MYO3B: variants seen among roughly 807,000 people sequenced by gnomAD.
MYO3B encodes myosin IIIB, also known as myosin-IIIb.
Under a neutral mutation model 174.6 loss-of-function variants are expected in MYO3B, and 156 were observed. The observed-to-expected ratio is 0.89, with a 90% CI of 0.78 to 1.02. The LOEUF (loss-of-function observed/expected upper bound fraction) is 1.02, where lower values mean the gene tolerates loss of function less well. Ranked by LOEUF, MYO3B falls within the 50% of genes least tolerant of loss-of-function variation. The pLI, the probability that MYO3B is intolerant of heterozygous loss-of-function variation, is 0.00. For synonymous variants in MYO3B, 563 were observed against 569.1 expected (o/e 0.99, Z 0.15); for missense variants, 1,632 against 1,639.4 (o/e 1.00, Z 0.08).
chr2:170,270,623 G>A (rs999679170), intron 7 of MYO3B, among the ~76,000 whole-genome samples: 4 of 152,116 alleles, frequency 2.6e-5, no homozygotes, highest in Non-Finnish European at 4.4e-5. Context: ...TCCTGTCCTT[G>A]CTGCCCTGCC....
chr2:170,406,993 T>A (rs1412368358), intron 21 of MYO3B, among the ~76,000 whole-genome samples: 1 of 152,210 alleles, frequency 6.6e-6, no homozygotes, highest in East Asian at 1.9e-4. Context: ...CTACCACTTG[T>A]GAAATGTGTG....
chr2:170,395,904 C>G (rs1343218278), intron 16 of MYO3B, among the ~76,000 whole-genome samples: 1 of 152,198 alleles, frequency 6.6e-6, no homozygotes. Flanking sequence ...TAAGTTTTCT[C>G]TCTACTTTTC....
At chr2:170,461,668 C>T (rs1169972209) in intron 23 of MYO3B, among the ~76,000 whole-genome samples, 6 of 150,370 alleles carry the variant, frequency 4.0e-5, no homozygotes, top group South Asian at 2.1e-4. Context: ...CCCAGCTACT[C>T]GGGAGGCCGA....
intron 22 of MYO3B, among the ~76,000 whole-genome samples, chr2:170,413,198 G>A (rs1170930475): frequency 1.3e-5 from 2 of 152,184 alleles, no homozygotes; most frequent in Non-Finnish European, 2.9e-5. Context: ...GTAAACATGA[G>A]GAAAGACTTC....
At chr2:170,652,185 C>G (rs1699056973) in intron 34 of MYO3B, 31 bp downstream of exon 34, 7 of 1,600,892 alleles carry the variant, frequency 4.4e-6, no homozygotes, top group Admixed American at 1.7e-5. Context: ...TTCTAAGCAA[C>G]TGTAAACAGA....
chr2:170,394,506 A>G (rs72874584), intron 16 of MYO3B, among the ~76,000 whole-genome samples: 7,724 of 152,308 alleles, frequency 0.051, 277 homozygotes, highest in Middle Eastern at 0.1. Context: ...CTGGGAAAAA[A>G]GGTACAATAG....
At chr2:170,187,052 C>G (rs1392616516) in intron 1 of MYO3B, among the ~76,000 whole-genome samples, 1 of 140,450 alleles carries the variant, frequency 7.1e-6, no homozygotes, top group Non-Finnish European at 1.6e-5. Flanking sequence ...TTTTATTTAT[C>G]TTTTCAAAAA....
At chr2:170,513,008 A>G (rs1688078459) in intron 28 of MYO3B, among the ~76,000 whole-genome samples, 1 of 152,216 alleles carries the variant, frequency 6.6e-6, no homozygotes. Context: ...AGAACAATGC[A>G]TGGAACATAA....
chr2:170,371,148 G>A (rs1419710864), intron 9 of MYO3B, among the ~76,000 whole-genome samples: 1 of 149,732 alleles, frequency 6.7e-6, no homozygotes, highest in Non-Finnish European at 1.5e-5. Context: ...AACCTGGGAG[G>A]CGGAAGTTGC....
At chr2:170,633,130 C>T (rs1697160247) in intron 32 of MYO3B, among the ~76,000 whole-genome samples, 1 of 152,166 alleles carries the variant, frequency 6.6e-6, no homozygotes, top group Admixed American at 6.5e-5. Context: ...ATGAGGCCAG[C>T]ATCATCCTGA....
intron 32 of MYO3B, among the ~76,000 whole-genome samples, chr2:170,608,166 C>T (rs1290924564): frequency 6.6e-6 from 1 of 152,116 alleles, no homozygotes; most frequent in African/African-American, 2.4e-5. Flanking sequence ...CAAGATTGGG[C>T]CACTGCACTA....
intron 6 of MYO3B, among the ~76,000 whole-genome samples, chr2:170,220,130 T>C (rs918925275): frequency 4.0e-5 from 6 of 150,744 alleles, no homozygotes; most frequent in Non-Finnish European, 5.9e-5. Context: ...TGGTGGCGGG[T>C]GCCTGTAGTC....
intron 7 of MYO3B, among the ~76,000 whole-genome samples, chr2:170,281,787 T>A (rs544840453): frequency 3.9e-4 from 60 of 152,214 alleles, no homozygotes; most frequent in African/African-American, 1.4e-3. Flanking sequence ...ATCCAGGAGT[T>A]GGTTTTTTAA....
At position 170,244,844 on chromosome 2, in the gene MYO3B, T is replaced by C. The variant is rs565864875; in HGVS notation, c.749+8708T>C. On this transcript the variant is annotated intron_variant, in intron 7 of 34. Coordinates refer to ENST00000408978, the MANE Select transcript of MYO3B (RefSeq NM_138995.5). Reference sequence around the variant, plus strand: ...TTTTAGACATAATATATTTGTATCTTTGGCCTTAAGTAAAATTTGTTGTGA... The same window carrying C: ...TTTTAGACATAATATATTTGTATCTCTGGCCTTAAGTAAAATTTGTTGTGA... Among the ~76,000 whole-genome samples, 8 of 152,318 alleles carry C rather than the reference T, an allele frequency of 5.3e-5. No individual in the cohort carries two copies. In the East Asian group the frequency reaches 1.5e-3, roughly 29 times the overall value.
At chr2:170,526,728 A>C (rs936660673) in intron 30 of MYO3B, among the ~76,000 whole-genome samples, 4 of 152,220 alleles carry the variant, frequency 2.6e-5, no homozygotes, top group Non-Finnish European at 5.9e-5. Flanking sequence ...TTGAAGGCAG[A>C]AACCTTATCA....
chr2:170,588,894 CAA>C (rs1343665652), intron 32 of MYO3B, among the ~76,000 whole-genome samples: 1 of 152,134 alleles, frequency 6.6e-6, no homozygotes, highest in African/African-American at 2.4e-5. Context: ...AGATGACACT[CAA>C]GAGGTTCATC....
At position 170,214,448 on chromosome 2, in the gene MYO3B, GC is replaced by G; in HGVS notation, c.392del (p.Ala131GlufsTer2). On this transcript the variant is annotated frameshift_variant, in exon 4 of 35. Transcript: ENST00000408978. LOFTEE classifies it high-confidence loss of function. Reference protein sequence around the residue: ...LLRCGQRLDEAMISYILYGAL... With the variant: ...LLRCGQRLDEXMISYILYGAL... ...CAGATGTGGCCAGCGGTTGGATGAA[GC>G]AATGATCTCATACATCTTGTACGGG... 1 of 1,614,158 alleles carries G rather than the reference GC, an allele frequency of 6.2e-7. No individual in the cohort carries two copies. Among genetic ancestry groups the G allele is most frequent in the Non-Finnish European group, 8.5e-7 (1 of 1,179,996 alleles).
At position 170,399,256 on chromosome 2, in the gene MYO3B, AAAAAAAAAAAGAGAG is replaced by A. The variant is rs2094459701; in HGVS notation, c.1792-930_1792-916del. ...AAATTCCGTCTCAAAAAAAAAAAAA[AAAAAAAAAAAGAGAG>A]AGACCAGTCTGGCCAACAGGGCAAA... On this transcript the variant is annotated intron_variant, in intron 16 of 34. Transcript: ENST00000408978. 1.5e-4 allele frequency among the ~76,000 whole-genome samples: 18 copies of A among 123,988 alleles called. 5 individuals are homozygous for A. The South Asian group carries it at 3.9e-3, about 27-fold the overall frequency. The allele number at this position is 123,988 out of a possible 152,430, so 81.3% of individuals were successfully genotyped here.
chr2:170,416,354 C>A (rs1402757850), intron 22 of MYO3B, among the ~76,000 whole-genome samples: 2 of 151,962 alleles, frequency 1.3e-5, no homozygotes, highest in Non-Finnish European at 2.9e-5. Flanking sequence ...GAAACCCCGT[C>A]TCTACTAAAA....
Sources: gnomAD v4.1 joint callset for allele counts (sites outside exome capture counted in the v4.1 genomes callset) on GRCh38, gnomAD v4.1.1 for gene constraint, MANE v1.5 for transcripts, NCBI Gene and HGNC (gene_info 2026-07-23, HGNC 2026-07-21) for gene names.